GLIS3: variants seen among roughly 807,000 people sequenced by gnomAD.
GLIS3 encodes the protein zinc finger protein GLIS3.
A neutral mutation model predicts 78.6 loss-of-function variants in GLIS3; 53 were observed. The observed-to-expected ratio is 0.67, with a 90% CI of 0.54 to 0.85. The LOEUF (loss-of-function observed/expected upper bound fraction) is 0.85, where lower values mean the gene tolerates loss of function less well. GLIS3 is among the 40% of genes least tolerant of loss of function. GLIS3 has a pLI of 0.00. For synonymous variants in GLIS3, 684 were observed against 509.9 expected (o/e 1.34, Z -4.60); for missense variants, 1,703 against 1,231.1 (o/e 1.38, Z -5.74).
chr9:4,268,196 T>G (rs1826192565), intron 2 of GLIS3, among the ~76,000 whole-genome samples: 2 of 151,892 alleles, frequency 1.3e-5, no homozygotes, highest in African/African-American at 4.8e-5. Flanking sequence ...CAGTTACACC[T>G]TAGTTTTTTC....
intron 2 of GLIS3, among the ~76,000 whole-genome samples, chr9:4,253,617 G>A (rs1040138832): frequency 6.6e-6 from 1 of 152,140 alleles, no homozygotes; most frequent in Non-Finnish European, 1.5e-5. Context: ...GTGAGTGAAC[G>A]ATTCTGTCTC....
chr9:3,997,008 T>C (rs937692428), intron 4 of GLIS3, among the ~76,000 whole-genome samples: 10 of 152,200 alleles, frequency 6.6e-5, no homozygotes, highest in African/African-American at 1.9e-4. Context: ...ACTAAAACTA[T>C]TGAATCCGAA....
At chr9:4,432,860 C>G in the GLIS3 span, among the ~76,000 whole-genome samples, 1 of 151,938 alleles carries the variant, frequency 6.6e-6, no homozygotes, top group African/African-American at 2.4e-5. Context: ...AGTCTGGTCT[C>G]GAACTCCTAA....
At chr9:4,449,065 C>A in the GLIS3 span, among the ~76,000 whole-genome samples, 2 of 152,152 alleles carry the variant, frequency 1.3e-5, no homozygotes, top group Non-Finnish European at 2.9e-5. Flanking sequence ...CCTTTCCTAG[C>A]CAAGGGAAGC....
chr9:4,243,287 C>T (rs1217084918), intron 2 of GLIS3, among the ~76,000 whole-genome samples: 1 of 152,146 alleles, frequency 6.6e-6, no homozygotes, highest in Non-Finnish European at 1.5e-5. Flanking sequence ...CAGAAAGGAT[C>T]AGTCAGAGTG....
the GLIS3 span, among the ~76,000 whole-genome samples, chr9:4,393,506 G>T: frequency 3.3e-5 from 5 of 152,062 alleles, no homozygotes; most frequent in East Asian, 9.6e-4. Flanking sequence ...CTAACCATTT[G>T]GTTTTTCCAG....
chr9:4,357,190 A>G, the GLIS3 span, among the ~76,000 whole-genome samples: 2 of 152,216 alleles, frequency 1.3e-5, no homozygotes, highest in African/African-American at 4.8e-5. Context: ...ACTGGGTTAC[A>G]AGGTGCCCAG....
chr9:4,044,165 C>T (rs1460944382), intron 4 of GLIS3, among the ~76,000 whole-genome samples: 1 of 152,196 alleles, frequency 6.6e-6, no homozygotes, highest in Non-Finnish European at 1.5e-5. Flanking sequence ...GTCTGTTCAA[C>T]AGGAGAATGA....
chr9:4,382,216 C>A, the GLIS3 span, among the ~76,000 whole-genome samples: 1 of 152,120 alleles, frequency 6.6e-6, no homozygotes, highest in Admixed American at 6.5e-5. Context: ...AATGACACAT[C>A]TGGAAAAATC....
chr9:4,458,376 T>C, the GLIS3 span, among the ~76,000 whole-genome samples: 5 of 152,062 alleles, frequency 3.3e-5, no homozygotes. Flanking sequence ...AATGAACAAA[T>C]GTACAAATAA....
chr9:3,932,214 C>T (rs1588257095), intron 6 of GLIS3, 146 bp downstream of exon 6: 1 of 662,722 alleles, frequency 1.5e-6, no homozygotes, highest in African/African-American at 1.8e-5. Context: ...GCTATTACTT[C>T]ATGGGAGACT....
the GLIS3 span, among the ~76,000 whole-genome samples, chr9:4,362,257 CTTCT>C: frequency 2.0e-5 from 3 of 152,116 alleles, no homozygotes; most frequent in South Asian, 6.2e-4. Flanking sequence ...TACTTCTTTC[CTTCT>C]TTCTTTTTAC....
chr9:4,049,382 G>C (rs1038270081), intron 4 of GLIS3, among the ~76,000 whole-genome samples: 2 of 152,156 alleles, frequency 1.3e-5, no homozygotes, highest in Admixed American at 1.3e-4. Flanking sequence ...TAAAAGCCTA[G>C]CATGAAATGG....
chr9:3,893,633 G>C (rs999110407), intron 7 of GLIS3, among the ~76,000 whole-genome samples: 2 of 152,148 alleles, frequency 1.3e-5, no homozygotes, highest in Admixed American at 6.5e-5. Flanking sequence ...TGTTTTCCCA[G>C]AAGTCATATG....
At chr9:4,484,637 G>C in the GLIS3 span, among the ~76,000 whole-genome samples, 71 of 151,852 alleles carry the variant, frequency 4.7e-4, no homozygotes, top group African/African-American at 1.7e-3. Context: ...GGCTAGGCTC[G>C]AACTCCCGAC....
At chr9:4,240,388 A>C (rs983483300) in intron 2 of GLIS3, among the ~76,000 whole-genome samples, 1 of 152,050 alleles carries the variant, frequency 6.6e-6, no homozygotes, top group Non-Finnish European at 1.5e-5. Flanking sequence ...TCACTCACCC[A>C]CCACTCACCT....
At chr9:4,289,906 A>G (rs1167238432) in intron 1 of GLIS3, among the ~76,000 whole-genome samples, 1 of 152,188 alleles carries the variant, frequency 6.6e-6, no homozygotes, top group East Asian at 1.9e-4. Context: ...AACCCTAAGG[A>G]AACTAAGGCA....
At chr9:4,449,676 C>T in the GLIS3 span, among the ~76,000 whole-genome samples, 1 of 152,216 alleles carries the variant, frequency 6.6e-6, no homozygotes, top group East Asian at 1.9e-4. Context: ...TGCTCTGCAG[C>T]CTCTGCTGGT....
intron 2 of GLIS3, among the ~76,000 whole-genome samples, chr9:4,339,167 G>A (rs1003438932): frequency 5.9e-5 from 9 of 152,196 alleles, no homozygotes; most frequent in African/African-American, 2.2e-4. Context: ...ATATTTGGTG[G>A]CATAGATAGA....
Sources: allele counts gnomAD v4.1 joint callset (sites outside exome capture counted in the v4.1 genomes callset), GRCh38; gene constraint gnomAD v4.1.1; transcripts MANE v1.5; gene names NCBI Gene and HGNC (gene_info 2026-07-23, HGNC 2026-07-21).